Variants in CCL28 observed in about 807,000 individuals in gnomAD.
The protein encoded by CCL28 is C-C motif chemokine 28.
CCL28 carries 4 observed loss-of-function variants against 7.1 expected under a neutral mutation model. The ratio of observed to expected loss-of-function variants is 0.56; its 90% CI spans 0.28 to 1.29. The LOEUF (loss-of-function observed/expected upper bound fraction) is 1.29. Among genes scored for constraint, CCL28 ranks in the 50% most tolerant of loss-of-function variants. The pLI is 0.11. For missense variants in CCL28, 151 were observed against 163.4 expected, an observed-to-expected ratio of 0.92 and a Z score of 0.41; for synonymous variants, 55 against 57.8, an observed-to-expected ratio of 0.95 and a Z score of 0.22.
chr5:43,381,907 C>T lies in CCL28; in HGVS notation c.337G>A (p.Ala113Thr), dbSNP rs140844384. Residue 113 changes from alanine to threonine, a missense_variant, in exon 3 of 3, where the codon GCA becomes ACA. Coordinates refer to ENST00000361115, the MANE Select transcript of CCL28 (RefSeq NM_148672.3). ...TATGTTTCGTGTTTCCCCTGATGTG[C>T]CCTGTTACTGTTCCTCTTGCCATGG... Reference protein sequence around the residue: ...KHHGKRNSNRAHQGKHETYGH... With the variant: ...KHHGKRNSNRTHQGKHETYGH... 7.1e-4 allele frequency: 1,151 copies of T among 1,614,054 alleles called. 7 individuals are homozygous for T. The African/African-American group carries it at 0.014, about 19-fold the overall frequency.
chr5:43,366,471 GT>G, the CCL28 span, among the ~76,000 whole-genome samples: 1 of 152,212 alleles, frequency 6.6e-6, no homozygotes, highest in Non-Finnish European at 1.5e-5. Context: ...TTCAGACCCT[GT>G]TTGCCTAGGT....
the CCL28 span, among the ~76,000 whole-genome samples, chr5:43,363,850 G>A: frequency 1.6e-4 from 25 of 152,222 alleles, no homozygotes; most frequent in Admixed American, 5.2e-4. Flanking sequence ...TAAAGGGGGA[G>A]AGGAGAGGAT....
intron 1 of CCL28, among the ~76,000 whole-genome samples, 176 bp downstream of exon 1, chr5:43,412,077 C>G (rs1169252947): frequency 6.6e-6 from 1 of 152,230 alleles, no homozygotes; most frequent in Non-Finnish European, 1.5e-5. Context: ...CTTCCTGAAA[C>G]TTCTGGGAGA....
chr5:43,410,618 A>G (rs1741499462), intron 1 of CCL28, among the ~76,000 whole-genome samples: 1 of 151,982 alleles, frequency 6.6e-6, no homozygotes, highest in African/African-American at 2.4e-5. Flanking sequence ...AGCCTTCCTC[A>G]TTACCCTCTG....
chr5:43,363,008 A>G, the CCL28 span, among the ~76,000 whole-genome samples: 3 of 152,218 alleles, frequency 2.0e-5, no homozygotes, highest in African/African-American at 7.2e-5. Context: ...TGGGGTGCAC[A>G]TACACTAACA....
rs1275237066 is a variant in CCL28 at position 43,379,979 on chromosome 5, G to T, written c.*1881C>A. On this transcript the variant is annotated 3_prime_UTR_variant, in exon 3 of 3. Transcript: ENST00000361115. ...TACTAAAAATACAAAAATCAGCGGG[G>T]TGTGGTGGCTGGGCGCCTGTAATAT... 4 of 152,156 alleles carry T rather than the reference G, an allele frequency of 2.6e-5. No homozygotes were observed. Among genetic ancestry groups the T allele is most frequent in the Non-Finnish European group, 5.9e-5 (4 of 68,042 alleles). The allele number at this position is 152,156 out of a possible 1,614,324, so 9.4% of individuals were successfully genotyped here.
chr5:43,376,859 G>A (rs1422561706), downstream of CCL28: 1 of 152,200 alleles, frequency 6.6e-6, no homozygotes, highest in African/African-American at 2.4e-5. Context: ...CAGACCAGCT[G>A]ACATCAGTAG....
intron 1 of CCL28, among the ~76,000 whole-genome samples, chr5:43,394,432 TA>T (rs981975574): frequency 4.6e-5 from 7 of 152,350 alleles, no homozygotes; most frequent in African/African-American, 1.7e-4. Context: ...TTCCCATTCA[TA>T]AATATGGAAT....
At chr5:43,384,566 C>A (rs755075877) in intron 2 of CCL28, among the ~76,000 whole-genome samples, 34 of 152,210 alleles carry the variant, frequency 2.2e-4, no homozygotes, top group Middle Eastern at 3.4e-3. Flanking sequence ...TTCTGATGGG[C>A]ACCAATCCCC....
At chr5:43,370,643 C>G in the CCL28 span, among the ~76,000 whole-genome samples, 1,220 of 152,144 alleles carry the variant, frequency 8.0e-3, 7 homozygotes, top group Non-Finnish European at 0.011. Context: ...GGGCTAAGCA[C>G]CTTCTTGAGA....
At chr5:43,405,123 C>T (rs1186958419) in intron 1 of CCL28, among the ~76,000 whole-genome samples, 1 of 152,162 alleles carries the variant, frequency 6.6e-6, no homozygotes, top group Non-Finnish European at 1.5e-5. Flanking sequence ...CAAAGATATC[C>T]AGGAATTGAA....
At chr5:43,377,716 A>AATTTTTTTTTTTTTT (rs1561151287), downstream of CCL28, among the ~76,000 whole-genome samples, 1 of 45,660 alleles carries the variant, frequency 2.2e-5, no homozygotes, top group Non-Finnish European at 4.3e-5. Context: ...TAGAACTTAA[A>AATTTTTTTTTTTTTT]CTTTTTTTTT....
chr5:43,360,102 A>G, the CCL28 span, among the ~76,000 whole-genome samples: 1 of 152,174 alleles, frequency 6.6e-6, no homozygotes, highest in Non-Finnish European at 1.5e-5. Context: ...TGTCTCAGTG[A>G]ACTGGTTTAT....
intron 1 of CCL28, among the ~76,000 whole-genome samples, chr5:43,410,775 G>A (rs1206231157): frequency 6.6e-6 from 1 of 152,190 alleles, no homozygotes; most frequent in South Asian, 2.1e-4. Flanking sequence ...ACCAGAACTA[G>A]GAGTGAAGCC....
At chr5:43,388,780 G>A (rs573156249) in intron 1 of CCL28, among the ~76,000 whole-genome samples, 56 of 152,302 alleles carry the variant, frequency 3.7e-4, no homozygotes, top group Non-Finnish European at 8.1e-4. Context: ...AGGTCAACAC[G>A]GTGTTTCATG....
At chr5:43,384,217 G>A (rs1053265263) in intron 2 of CCL28, among the ~76,000 whole-genome samples, 5 of 152,184 alleles carry the variant, frequency 3.3e-5, no homozygotes, top group East Asian at 1.9e-4. Context: ...CATTGGCACC[G>A]GGGCTGAAGG....
At chr5:43,370,609 G>T in the CCL28 span, among the ~76,000 whole-genome samples, 1 of 152,004 alleles carries the variant, frequency 6.6e-6, no homozygotes, top group Admixed American at 6.6e-5. Flanking sequence ...ATGTTGCACT[G>T]GGTCACTGGG....
chr5:43,404,057 A>G (rs2111881664), intron 1 of CCL28, among the ~76,000 whole-genome samples: 1 of 152,348 alleles, frequency 6.6e-6, no homozygotes, highest in Admixed American at 6.5e-5. Flanking sequence ...AGTGACGGGG[A>G]GAATGGAACC....
At chr5:43,410,545 G>A (rs573259824) in intron 1 of CCL28, among the ~76,000 whole-genome samples, 7 of 152,094 alleles carry the variant, frequency 4.6e-5, no homozygotes, top group African/African-American at 9.6e-5. Flanking sequence ...GCATTTTGCC[G>A]TTCCACCCCA....
Sources: allele counts gnomAD v4.1 joint callset (sites outside exome capture counted in the v4.1 genomes callset), GRCh38; gene constraint gnomAD v4.1.1; transcripts MANE v1.5; gene names NCBI Gene and HGNC (gene_info 2026-07-23, HGNC 2026-07-21).